The following TCERG1 variants were observed in gnomAD, a reference collection of about 807,000 sequenced individuals.
The protein encoded by TCERG1 is TATA box binding protein (TBP)-associated factor, RNA polymerase II, S, 150kD.
A neutral mutation model predicts 144.7 loss-of-function variants in TCERG1; 37 were observed. The observed-to-expected ratio is 0.26, with a 90% CI of 0.20 to 0.34. The LOEUF (loss-of-function observed/expected upper bound fraction) is 0.34. Ranked by LOEUF, TCERG1 falls within the 10% of genes least tolerant of loss-of-function variation. The probability of loss-of-function intolerance (pLI) is 1.00; values close to 1 mark genes in which losing one functional copy is unlikely to be tolerated. For synonymous variants in TCERG1, 492 were observed against 458.2 expected (o/e 1.07, Z -0.94); for missense variants, 1,027 against 1,380.7 (o/e 0.74, Z 4.06).
At chr5:146,454,037 CAA>C (rs56657111) in intron 1 of TCERG1, among the ~76,000 whole-genome samples, 2,950 of 129,374 alleles carry the variant, frequency 0.023, 69 homozygotes, top group African/African-American at 0.083. Context: ...TACTCAAATA[CAA>C]AAAAAAAAAA....
intron 9 of TCERG1, among the ~76,000 whole-genome samples, chr5:146,475,062 T>C (rs1764707223): frequency 6.6e-6 from 1 of 152,216 alleles, no homozygotes; most frequent in Non-Finnish European, 1.5e-5. Flanking sequence ...TGCTCCAACT[T>C]ATTTAATCTA....
At chr5:146,488,937 A>G (rs949872549) in intron 15 of TCERG1, among the ~76,000 whole-genome samples, 2 of 152,220 alleles carry the variant, frequency 1.3e-5, no homozygotes. Flanking sequence ...TAAGTGAAAT[A>G]AGCCAAGAAC....
rs1206707612 is a variant in TCERG1, at chr5:146,470,759, A to G, written c.1512+11A>G. The G allele has an allele frequency of 1.3e-5, 21 of 1,585,848 alleles. No homozygotes were observed. Among genetic ancestry groups the G allele is most frequent in the South Asian group, 2.3e-5 (2 of 86,526 alleles). On this transcript the variant is annotated intron_variant, in intron 8 of 22. Transcript: ENST00000679501. ...AAGGAGATAAAGGAGGTAAAGGGCC[A>G]TGACCTGTTAACCTGGGAGCCACAT...
intron 1 of TCERG1, among the ~76,000 whole-genome samples, chr5:146,452,431 A>C (rs1762434046): frequency 6.6e-6 from 1 of 152,152 alleles, no homozygotes; most frequent in Admixed American, 6.5e-5. Context: ...TAGTTTGGGT[A>C]CTGTATCACC....
chr5:146,479,955 T>G (rs1269659715), intron 11 of TCERG1, 44 bp downstream of exon 11: 20 of 1,608,906 alleles, frequency 1.2e-5, no homozygotes, highest in Non-Finnish European at 1.7e-5. Flanking sequence ...TTAATACTAT[T>G]AAAGCAAGTG....
At chr5:146,456,110 G>A (rs1561634209) in intron 2 of TCERG1, among the ~76,000 whole-genome samples, 1 of 152,182 alleles carries the variant, frequency 6.6e-6, no homozygotes, top group Non-Finnish European at 1.5e-5. Flanking sequence ...CCATTTAAGT[G>A]ATGTTAATTC....
intron 5 of TCERG1, among the ~76,000 whole-genome samples, chr5:146,466,519 A>G (rs1305789614): frequency 6.6e-6 from 1 of 152,204 alleles, no homozygotes; most frequent in Non-Finnish European, 1.5e-5. Context: ...GGAATCATCC[A>G]AAATGCTGAG....
At chr5:146,460,594 A>G (rs1763254058) in intron 4 of TCERG1, among the ~76,000 whole-genome samples, 1 of 152,150 alleles carries the variant, frequency 6.6e-6, no homozygotes, top group African/African-American at 2.4e-5. Flanking sequence ...ATTAGTGTGT[A>G]AGAAATACGT....
intron 1 of TCERG1, among the ~76,000 whole-genome samples, chr5:146,454,671 C>G (rs1192422467): frequency 1.3e-5 from 2 of 152,088 alleles, no homozygotes; most frequent in South Asian, 2.1e-4. Context: ...GATCTTGGCT[C>G]ATTGCAACCT....
chr5:146,494,967 A>C (rs1032896129), intron 16 of TCERG1, among the ~76,000 whole-genome samples: 1 of 152,216 alleles, frequency 6.6e-6, no homozygotes, highest in African/African-American at 2.4e-5. Context: ...GAAATAAGTC[A>C]TATGAAAACA....
At chr5:146,509,725 A>C (rs1412707623) in intron 22 of TCERG1, among the ~76,000 whole-genome samples, 3 of 152,176 alleles carry the variant, frequency 2.0e-5, no homozygotes, top group African/African-American at 7.2e-5. Context: ...ATTTAAATAA[A>C]AATTGTAAAT....
chr5:146,481,265 T>TAGTG, intron 13 of TCERG1, 65 bp downstream of exon 13: 1 of 787,140 alleles, frequency 1.3e-6, no homozygotes, highest in Non-Finnish European at 1.5e-6. Context: ...TTGAGATAGA[T>TAGTG]AGTGATAGTT....
At chr5:146,494,911 A>G (rs1232619470) in intron 16 of TCERG1, among the ~76,000 whole-genome samples, 2 of 152,100 alleles carry the variant, frequency 1.3e-5, no homozygotes, top group South Asian at 2.1e-4. Flanking sequence ...TTCCTTCCAA[A>G]ATATTTTTTA....
In TCERG1 at chr5:146,470,705, A is replaced by C; in HGVS notation, c.1469A>C (p.Glu490Ala). 1 of 1,613,654 alleles carries C rather than the reference A, an allele frequency of 6.2e-7. No homozygotes were observed. Among genetic ancestry groups the C allele is most frequent in the South Asian group, 1.1e-5 (1 of 90,996 alleles). Residue 490 changes from glutamate (E) to alanine (A), a missense_variant, in exon 8 of 23, where the codon GAG becomes GCG. Transcript: ENST00000679501. ...PSEEPLPMET[E>A]EEDPKEEPIK... ...GAAGAGCCTCTGCCAATGGAGACGG[A>C]GGAGGAGGATCCTAAAGAAGAGCCT...
intron 9 of TCERG1, among the ~76,000 whole-genome samples, chr5:146,476,564 T>C (rs1382609718): frequency 1.3e-5 from 2 of 152,138 alleles, no homozygotes; most frequent in Non-Finnish European, 2.9e-5. Context: ...AAAAAAATAA[T>C]TATGGAAAAT....
At chr5:146,483,286 C>T (rs1055151208) in intron 14 of TCERG1, among the ~76,000 whole-genome samples, 2 of 152,064 alleles carry the variant, frequency 1.3e-5, no homozygotes, top group African/African-American at 4.8e-5. Flanking sequence ...TTTAAAATGT[C>T]ACACAGTAGT....
chr5:146,467,514 A>AT (rs1763896579), intron 5 of TCERG1, among the ~76,000 whole-genome samples: 1 of 152,198 alleles, frequency 6.6e-6, no homozygotes, highest in Admixed American at 6.5e-5. Context: ...GTAATGCATC[A>AT]TGATGAGTCT....
Position 146,498,676 on chromosome 5 carries a change from G to C in TCERG1, c.2423G>C (p.Arg808Thr). The change falls in exon 17 of 23, where the codon AGA becomes ACA. Residue 808 changes from arginine (R) to threonine (T), a missense_variant. Arg to Thr is a moderately conservative substitution (Grantham distance 71). Around this residue, in one of 6 missense-constraint regions of TCERG1, gnomAD observed 482 missense variants for 632.6 expected, o/e 0.76. Coordinates refer to ENST00000679501, the MANE Select transcript of TCERG1 (RefSeq NM_001382548.1). Reference protein sequence around the residue: ...RKKEKEDSKTRGEKIKSDFFE... With the variant: ...RKKEKEDSKTTGEKIKSDFFE... ...AAAGAGAAAGAAGATTCGAAGACCA[G>C]AGGTGAGAAGGTAAGATGGTTTTAG... 1.2e-6 allele frequency: 2 copies of C among 1,609,736 alleles called. No homozygotes were observed. Among genetic ancestry groups the C allele is most frequent in the Non-Finnish European group, 1.7e-6 (2 of 1,178,474 alleles).
chr5:146,457,087 A>C, intron 2 of TCERG1, 96 bp from the exon 3 acceptor site: 2 of 1,471,818 alleles, frequency 1.4e-6, no homozygotes, highest in Non-Finnish European at 9.2e-7. Flanking sequence ...CTATAAAACT[A>C]GTTTCTCTTA....
Sources: gnomAD v4.1 joint callset for allele counts (sites outside exome capture counted in the v4.1 genomes callset) on GRCh38, gnomAD v4.1.1 for gene constraint, gnomAD v4.1.1 regional missense constraint, MANE v1.5 for transcripts, NCBI Gene and HGNC (gene_info 2026-07-23, HGNC 2026-07-21) for gene names.